Variants in SLC44A5 observed in about 807,000 individuals in gnomAD.
SLC44A5 encodes choline transporter-like protein 5.
Under a neutral mutation model 101.8 loss-of-function variants are expected in SLC44A5, and 57 were observed. That is an observed-to-expected ratio of 0.56 (90% CI 0.45 to 0.70). The LOEUF (loss-of-function observed/expected upper bound fraction) is 0.70, where lower values mean the gene tolerates loss of function less well. SLC44A5 is among the 30% of genes least tolerant of loss of function. The pLI is 0.00. For missense variants in SLC44A5, 737 were observed against 853.1 expected (o/e 0.86, Z 1.70); for synonymous variants, 281 against 290.9 (o/e 0.97, Z 0.35).
At chr1:75,484,060 G>C (rs1211553541) in intron 2 of SLC44A5, among the ~76,000 whole-genome samples, 1 of 152,090 alleles carries the variant, frequency 6.6e-6, no homozygotes, top group African/African-American at 2.4e-5. Context: ...TTCAAAATGA[G>C]ATTTGGGAGG....
At chr1:75,633,312 G>C in the SLC44A5 span, among the ~76,000 whole-genome samples, 1 of 152,126 alleles carries the variant, frequency 6.6e-6, no homozygotes, top group Admixed American at 6.6e-5. Flanking sequence ...ACCTTGGGCA[G>C]TATGGCCATT....
chr1:75,467,926 A>AC (rs35678703), intron 2 of SLC44A5, among the ~76,000 whole-genome samples: 89,427 of 151,860 alleles, frequency 0.59, 27,108 homozygotes, highest in East Asian at 0.97. Flanking sequence ...TTTGCAAACA[A>AC]CCATACGACA....
intron 6 of SLC44A5, among the ~76,000 whole-genome samples, chr1:75,274,633 A>C (rs1398031677): frequency 1.5e-4 from 23 of 152,178 alleles, no homozygotes. Context: ...CTCATACCTC[A>C]GTCTTCTAAT....
chr1:75,607,879 T>C (rs1467380400), intron 1 of SLC44A5, among the ~76,000 whole-genome samples: 2 of 152,044 alleles, frequency 1.3e-5, no homozygotes, highest in African/African-American at 4.8e-5. Context: ...CTTGGGTATG[T>C]CTTCATTAGC....
At chr1:75,638,561 C>T in the SLC44A5 span, among the ~76,000 whole-genome samples, 1 of 151,986 alleles carries the variant, frequency 6.6e-6, no homozygotes, top group African/African-American at 2.4e-5. Context: ...GGCTGTGTTA[C>T]ACAGAGACAG....
intron 1 of SLC44A5, among the ~76,000 whole-genome samples, chr1:75,560,076 A>T (rs1015120262): frequency 2.0e-5 from 3 of 152,188 alleles, no homozygotes; most frequent in African/African-American, 7.2e-5. Flanking sequence ...GAACCCTCAT[A>T]CATTGCTGAT....
the SLC44A5 span, among the ~76,000 whole-genome samples, chr1:75,722,137 A>G: frequency 1.3e-5 from 2 of 152,338 alleles, no homozygotes; most frequent in African/African-American, 2.4e-5. Context: ...ACACACACAC[A>G]TAGGTACACA....
the SLC44A5 span, among the ~76,000 whole-genome samples, chr1:75,685,702 T>A: frequency 2.0e-5 from 3 of 152,134 alleles, no homozygotes; most frequent in Non-Finnish European, 4.4e-5. Flanking sequence ...TTCCCACACT[T>A]TTCTTTCTTC....
chr1:75,336,345 G>C (rs1261342064), intron 4 of SLC44A5, among the ~76,000 whole-genome samples: 2 of 151,886 alleles, frequency 1.3e-5, no homozygotes, highest in Non-Finnish European at 2.9e-5. Context: ...GTGGAGACGG[G>C]GTTTCACCAT....
chr1:75,590,638 C>A (rs1276206953), intron 1 of SLC44A5, among the ~76,000 whole-genome samples: 1 of 152,140 alleles, frequency 6.6e-6, no homozygotes, highest in Non-Finnish European at 1.5e-5. Context: ...GTCCGTGGGC[C>A]TTAAGGGAAC....
chr1:75,204,748 A>G (rs1646721341), intron 23 of SLC44A5: 1 of 152,192 alleles, frequency 6.6e-6, no homozygotes, highest in Admixed American at 6.5e-5. Flanking sequence ...TTGGACTCCC[A>G]AAGTGCTGGG....
At chr1:75,710,510 G>C in the SLC44A5 span, 1 of 138,288 alleles carries the variant, frequency 7.2e-6, no homozygotes, top group Non-Finnish European at 1.5e-5. Flanking sequence ...GTTGCAGTGA[G>C]CTGTGATCCC....
intron 2 of SLC44A5, among the ~76,000 whole-genome samples, chr1:75,474,449 A>G (rs1355100949): frequency 6.6e-6 from 1 of 152,200 alleles, no homozygotes; most frequent in Non-Finnish European, 1.5e-5. Flanking sequence ...TCAAATTCAC[A>G]CCTCAATGCC....
At chr1:75,236,364 C>T (rs1557559270) in intron 11 of SLC44A5, among the ~76,000 whole-genome samples, 1 of 152,012 alleles carries the variant, frequency 6.6e-6, no homozygotes, top group East Asian at 1.9e-4. Context: ...ATGGGTCACA[C>T]ATTTACCCAT....
At chr1:75,383,532 G>T (rs1458431222) in intron 3 of SLC44A5, among the ~76,000 whole-genome samples, 1 of 152,138 alleles carries the variant, frequency 6.6e-6, no homozygotes, top group Non-Finnish European at 1.5e-5. Flanking sequence ...AATGAGCAAA[G>T]CCTCCAAGAA....
chr1:75,681,150 C>A, the SLC44A5 span, among the ~76,000 whole-genome samples: 1 of 152,122 alleles, frequency 6.6e-6, no homozygotes, highest in Admixed American at 6.5e-5. Flanking sequence ...AGTCCAGGAC[C>A]AGATGGATTC....
Position 75,242,979 on chromosome 1 carries a change from T to A in SLC44A5, c.378A>T (p.Leu126Phe), listed in dbSNP as rs755931202. 8 of 1,612,326 alleles carry A rather than the reference T, an allele frequency of 5.0e-6. No homozygotes were observed. The African/African-American group carries it at 9.4e-5, about 19-fold the overall frequency. Residue 126 changes from leucine (L) to phenylalanine (F), a missense_variant, in exon 8 of 24, where the codon TTA (leucine) becomes TTT (phenylalanine). Physicochemically the swap from Leu to Phe is conservative, Grantham distance 22. Coordinates refer to ENST00000370859, the MANE Select transcript of SLC44A5 (RefSeq NM_001130058.2). ...ACAAAAGTTGCATTTCCACATAGGT[T>A]AAAAATTTTTCTGGGCACTTGGAGA... is the stretch of plus-strand genomic sequence containing the variant. ...ICVSKCPEKF[L>F]TYVEMQLLYT... is the part of the protein sequence containing the mutation.
intron 4 of SLC44A5, among the ~76,000 whole-genome samples, chr1:75,312,353 T>A (rs1655370922): frequency 6.6e-6 from 1 of 152,132 alleles, no homozygotes; most frequent in African/African-American, 2.4e-5. Flanking sequence ...GAGAAAGGGA[T>A]AGAGCAGCTG....
chr1:75,340,201 G>A (rs773167388), intron 3 of SLC44A5, among the ~76,000 whole-genome samples: 3 of 152,048 alleles, frequency 2.0e-5, no homozygotes, highest in Non-Finnish European at 4.4e-5. Context: ...ATGCCATCTG[G>A]GAAGGTGCCC....
Sources: gnomAD v4.1 joint callset for allele counts (sites outside exome capture counted in the v4.1 genomes callset) on GRCh38, gnomAD v4.1.1 for gene constraint, MANE v1.5 for transcripts, NCBI Gene and HGNC (gene_info 2026-07-23, HGNC 2026-07-21) for gene names.